The following ASAP2 variants were observed in gnomAD, a reference collection of about 807,000 sequenced individuals.
ASAP2 encodes ArfGAP with SH3 domain, ankyrin repeat and PH domain 2.
ASAP2 carries 45 observed loss-of-function variants against 131.4 expected under a neutral mutation model. The ratio of observed to expected loss-of-function variants is 0.34; its 90% CI spans 0.27 to 0.44. The LOEUF is 0.44. ASAP2 is among the 20% of genes least tolerant of loss of function. The probability of loss-of-function intolerance (pLI) is 1.00; values close to 1 mark genes in which losing one functional copy is unlikely to be tolerated. For missense variants in ASAP2, 1,011 were observed against 1,297.0 expected (o/e 0.78, Z 3.39); for synonymous variants, 510 against 503.0 (o/e 1.01, Z -0.19).
chr2:9,334,811 A>C lies in ASAP2; in HGVS notation c.760A>C (p.Thr254Pro). The change falls in exon 8 of 28, where the codon ACG becomes CCG. Residue 254 changes from threonine to proline, a missense_variant and splice_region_variant. Physicochemically the swap from Thr to Pro is conservative, Grantham distance 38. Coordinates refer to ENST00000281419, the MANE Select transcript of ASAP2 (RefSeq NM_003887.3). ...SIETLSTDLH[T>P]IKQAQDEERR... ...TGAAACGCTGTCTACGGATCTTCAC[A>C]CGGTGAGTAGCTTCCCTCCCACTGT... The C allele has an allele frequency of 1.9e-6, 3 of 1,613,414 alleles. No homozygotes were observed. Among genetic ancestry groups the C allele is most frequent in the Non-Finnish European group, 2.5e-6 (3 of 1,179,376 alleles).
chr2:9,290,557 A>G (rs1667750338), intron 2 of ASAP2, among the ~76,000 whole-genome samples: 1 of 152,250 alleles, frequency 6.6e-6, no homozygotes, highest in Non-Finnish European at 1.5e-5. Flanking sequence ...CAATCTAGCC[A>G]TTAGAGCTGG....
At chr2:9,226,875 A>G (rs1662807382) in intron 1 of ASAP2, among the ~76,000 whole-genome samples, 1 of 152,178 alleles carries the variant, frequency 6.6e-6, no homozygotes, top group Admixed American at 6.5e-5. Flanking sequence ...GAGAGATTGC[A>G]GGTGGCTTCC....
intron 16 of ASAP2, among the ~76,000 whole-genome samples, chr2:9,372,860 G>T (rs147256662): frequency 6.6e-6 from 1 of 152,150 alleles, no homozygotes; most frequent in Non-Finnish European, 1.5e-5. Context: ...TTAGCCGAAC[G>T]TGCACAGCTT....
chr2:9,278,574 C>T (rs1308809239), intron 1 of ASAP2, among the ~76,000 whole-genome samples: 1 of 151,406 alleles, frequency 6.6e-6, no homozygotes, highest in Non-Finnish European at 1.5e-5. Context: ...TTGTGAAAGT[C>T]AAGGTGTAAT....
intron 24 of ASAP2, among the ~76,000 whole-genome samples, chr2:9,394,670 T>C (rs1265870247): frequency 6.6e-6 from 1 of 152,248 alleles, no homozygotes; most frequent in East Asian, 1.9e-4. Context: ...TATTTCTGTA[T>C]TGAAATCCAT....
Position 9,391,079 on chromosome 2 carries a change from G to T in ASAP2, c.2401G>T (p.Ala801Ser), listed in dbSNP as rs777916995. ...GGGTTCAGTTCAGACAGCCTCCTCT[G>T]CTAACACCCTGTGGAAGACAAACTC... ...NVGKVQTASS[A>S]NTLWKTNSVS... The change falls in exon 23 of 28, where the codon GCT becomes TCT. Residue 801 changes from alanine to serine, a missense_variant. Around this residue, in one of 2 missense-constraint regions of ASAP2, gnomAD observed 652 missense variants for 698.9 expected, o/e 0.93. Coordinates refer to ENST00000281419, the MANE Select transcript of ASAP2 (RefSeq NM_003887.3). 1.9e-6 allele frequency: 3 copies of T among 1,614,132 alleles called. No homozygotes were observed. Among genetic ancestry groups the T allele is most frequent in the Non-Finnish European group, 2.5e-6 (3 of 1,180,058 alleles).
chr2:9,389,385 G>T lies in ASAP2; in HGVS notation c.2383+839G>T, dbSNP rs545343642. 1.4e-4 allele frequency among the ~76,000 whole-genome samples: 21 copies of T among 152,334 alleles called. No individual in the cohort carries two copies. Among genetic ancestry groups the T allele is most frequent in the African/African-American group, 4.3e-4 (18 of 41,572 alleles). ...GAGCATGTATCCAGGCATTGTGGCC[G>T]CTGTGAGCCGCTGATGGAGTGGAGC... On this transcript the variant is annotated intron_variant, in intron 22 of 27. Coordinates refer to ENST00000281419, the MANE Select transcript of ASAP2 (RefSeq NM_003887.3). This position sits in a 1 kb window ranked among gnomAD's most constrained non-coding sequence, Gnocchi z 4.7.
intron 1 of ASAP2, among the ~76,000 whole-genome samples, chr2:9,233,591 T>G (rs2148035765): frequency 6.6e-6 from 1 of 152,344 alleles, no homozygotes; most frequent in Non-Finnish European, 1.5e-5. Flanking sequence ...ATGTAGTGAT[T>G]AGAGCATCTG....
intron 20 of ASAP2, among the ~76,000 whole-genome samples, chr2:9,383,743 A>G (rs1161692471): frequency 1.3e-5 from 2 of 152,156 alleles, no homozygotes; most frequent in African/African-American, 2.4e-5. Context: ...TCACAATAGC[A>G]GAGAGACTTG....
At chr2:9,316,747 C>T (rs1332548409) in intron 3 of ASAP2, among the ~76,000 whole-genome samples, 4 of 152,096 alleles carry the variant, frequency 2.6e-5, no homozygotes, top group African/African-American at 7.3e-5. Flanking sequence ...CTTGCTTGCT[C>T]CTCGTGTACC....
At chr2:9,373,906 A>C (rs908077444) in intron 16 of ASAP2, among the ~76,000 whole-genome samples, 18 of 152,194 alleles carry the variant, frequency 1.2e-4, no homozygotes, top group African/African-American at 4.3e-4. Context: ...CCCTCTTGTA[A>C]GTTCACTGGG....
Position 9,207,258 on chromosome 2 carries a change from C to T in ASAP2, c.126+28C>T. ...GAGGCGGCCTGCGCGGCGGCTCCGG[C>T]CGCAGGTATCCCGCGCCCCAGCCCC... On this transcript the variant is annotated intron_variant, in intron 1 of 27. Coordinates refer to ENST00000281419, the MANE Select transcript of ASAP2 (RefSeq NM_003887.3). This position sits in a 1 kb window ranked among gnomAD's most constrained non-coding sequence, Gnocchi z 4.1. 2.0e-6 allele frequency: 3 copies of T among 1,519,724 alleles called. No individual in the cohort carries two copies. The highest frequency in any genetic ancestry group is 2.5e-5 in the East Asian group (1 of 39,640). The allele number at this position is 1,519,724 out of a possible 1,614,324, so 94.1% of individuals were successfully genotyped here.
intron 21 of ASAP2, among the ~76,000 whole-genome samples, chr2:9,386,935 G>T (rs566416880): frequency 1.2e-4 from 19 of 152,274 alleles, no homozygotes; most frequent in South Asian, 8.3e-4. Context: ...CCGAGCGCGG[G>T]GGCTCACGCC....
At chr2:9,345,854 T>C (rs1671930855) in intron 11 of ASAP2, among the ~76,000 whole-genome samples, 1 of 151,810 alleles carries the variant, frequency 6.6e-6, no homozygotes, top group South Asian at 2.1e-4. Context: ...GGGAATAGAG[T>C]AAAACCCCAG....
chr2:9,368,165 G>C (rs1315229168), intron 15 of ASAP2, among the ~76,000 whole-genome samples: 1 of 152,190 alleles, frequency 6.6e-6, no homozygotes, highest in Non-Finnish European at 1.5e-5. Flanking sequence ...CCAAGTTACT[G>C]GTTCTCCCTG....
chr2:9,207,341 C>CG lies in ASAP2; in HGVS notation c.126+113dup. On this transcript the variant is annotated intron_variant, in intron 1 of 27. Coordinates refer to ENST00000281419, the MANE Select transcript of ASAP2 (RefSeq NM_003887.3). This position sits in a 1 kb window ranked among gnomAD's most constrained non-coding sequence, Gnocchi z 4.1. ...ACTTTCTTTGCTCCGAAGCCGGACG[C>CG]GGCCGGGCCAACCCTGCCCGAGACA... 7.3e-7 allele frequency: 1 copy of CG among 1,378,836 alleles called. No individual in the cohort carries two copies. Among genetic ancestry groups the CG allele is most frequent in the South Asian group, 1.5e-5 (1 of 68,386 alleles). 85.4% of individuals were successfully genotyped at this position (1,378,836 alleles called of 1,614,324 possible).
chr2:9,317,087 ACACACTCAAC>A (rs1440627716), intron 3 of ASAP2, among the ~76,000 whole-genome samples: 1 of 113,262 alleles, frequency 8.8e-6, no homozygotes, highest in Non-Finnish European at 2.1e-5. Flanking sequence ...ACATCCACAC[ACACACTCAAC>A]CACACTCATA....
In ASAP2 at chr2:9,387,243, G is replaced by T. The variant is rs571349951; in HGVS notation, c.2131-1051G>T. Among the ~76,000 whole-genome samples the T allele has an allele frequency of 7.5e-5, 11 of 146,790 alleles. No homozygotes were observed. In the East Asian group the frequency reaches 7.8e-4, roughly 10 times the overall value. ...AAAAAAAAAACCATATAACCTTCAGGGGGGAGCAGGGGTGGCCAAACTCTT... is the reference window on the plus strand; with the variant it reads ...AAAAAAAAAACCATATAACCTTCAGTGGGGAGCAGGGGTGGCCAAACTCTT... On this transcript the variant is annotated intron_variant, in intron 21 of 27. Transcript: ENST00000281419.
chr2:9,341,150 C>A (rs1034344482), intron 9 of ASAP2, among the ~76,000 whole-genome samples: 1 of 152,136 alleles, frequency 6.6e-6, no homozygotes, highest in Admixed American at 6.6e-5. Flanking sequence ...AGGAGAGGTT[C>A]TTTTTCCTTG....
Sources: gnomAD v4.1 joint callset for allele counts (sites outside exome capture counted in the v4.1 genomes callset) on GRCh38, gnomAD v4.1.1 for gene constraint, gnomAD v4.1.1 regional missense constraint, Gnocchi (gnomAD v3.1) non-coding constraint, MANE v1.5 for transcripts, NCBI Gene and HGNC (gene_info 2026-07-23, HGNC 2026-07-21) for gene names.